SCD5: variants seen among roughly 807,000 people sequenced by gnomAD.
The protein encoded by SCD5 is acyl-CoA-desaturase 4.
In SCD5, 20 loss-of-function variants were observed where a neutral mutation model predicts 30.4. The observed-to-expected ratio is 0.66, with a 90% CI of 0.46 to 0.96. SCD5 has a LOEUF of 0.96. Among genes scored for constraint, SCD5 ranks in the 40% least tolerant of loss-of-function variants. The pLI is 0.00. For missense variants in SCD5, 381 were observed against 443.3 expected (o/e 0.86, Z 1.26); for synonymous variants, 173 against 176.4 (o/e 0.98, Z 0.16).
intron 1 of SCD5, among the ~76,000 whole-genome samples, chr4:82,762,631 A>G: frequency 6.6e-6 from 1 of 152,176 alleles, no homozygotes; most frequent in East Asian, 1.9e-4. Context: ...AGATAAAAAC[A>G]AATATTGCCA....
intron 1 of SCD5, among the ~76,000 whole-genome samples, chr4:82,743,070 G>A (rs546991400): frequency 6.6e-6 from 1 of 152,274 alleles, no homozygotes; most frequent in East Asian, 1.9e-4. Flanking sequence ...GAGACTCCCA[G>A]TTGGATCCAG....
At chr4:82,749,059 A>T (rs1721048737) in intron 1 of SCD5, among the ~76,000 whole-genome samples, 1 of 152,234 alleles carries the variant, frequency 6.6e-6, no homozygotes, top group Non-Finnish European at 1.5e-5. Context: ...AGAAAAGCAT[A>T]CAAGTTTTTA....
intron 1 of SCD5, among the ~76,000 whole-genome samples, chr4:82,773,035 A>G (rs1721663192): frequency 6.6e-6 from 1 of 152,128 alleles, no homozygotes; most frequent in African/African-American, 2.4e-5. Context: ...ACTGCAATGC[A>G]TGGTGTGGGG....
At chr4:82,648,266 A>G (rs1373306714) in intron 3 of SCD5, among the ~76,000 whole-genome samples, 1 of 152,200 alleles carries the variant, frequency 6.6e-6, no homozygotes, top group Non-Finnish European at 1.5e-5. Flanking sequence ...CACCACATGC[A>G]AACTTCTGGA....
chr4:82,696,677 A>C (rs1474348873), intron 2 of SCD5, among the ~76,000 whole-genome samples: 2 of 152,230 alleles, frequency 1.3e-5, no homozygotes, highest in Non-Finnish European at 2.9e-5. Context: ...ATGCAAATGA[A>C]GGCAGCTGGG....
chr4:82,636,693 T>C lies in SCD5; in HGVS notation c.700A>G (p.Ile234Val). ...SILRYTISLN[I>V]SWLVNSAAHM... is the part of the protein sequence containing the mutation. ...GCGGCGCTGTTGACCAGCCAGCTGA[T>C]GTTGAGTGAGATGGTATAGCGGAGA... is the stretch of plus-strand genomic sequence containing the variant. Residue 234 changes from isoleucine to valine, a missense_variant, in exon 4 of 5, where the codon ATC (isoleucine) becomes GTC (valine). Physicochemically the swap from Ile to Val is conservative, Grantham distance 29. Coordinates refer to ENST00000319540, the MANE Select transcript of SCD5 (RefSeq NM_001037582.3). The C allele has an allele frequency of 6.2e-7, 1 of 1,614,150 alleles. No individual in the cohort carries two copies. Among genetic ancestry groups the C allele is most frequent in the South Asian group, 1.1e-5 (1 of 91,082 alleles).
chr4:82,737,883 A>G (rs1304641631), intron 1 of SCD5, among the ~76,000 whole-genome samples: 1 of 152,102 alleles, frequency 6.6e-6, no homozygotes, highest in Non-Finnish European at 1.5e-5. Context: ...CATGGATAAG[A>G]TTAAAGAAAT....
chr4:82,644,891 G>A (rs1727608165), intron 3 of SCD5, among the ~76,000 whole-genome samples: 2 of 152,168 alleles, frequency 1.3e-5, no homozygotes, highest in Non-Finnish European at 2.9e-5. Context: ...GTAAAATGTT[G>A]ACAATATTTA....
chr4:82,679,698 CCA>C (rs1360684960), intron 3 of SCD5, among the ~76,000 whole-genome samples: 1 of 152,126 alleles, frequency 6.6e-6, no homozygotes, highest in East Asian at 1.9e-4. Context: ...CCAGGGTCTG[CCA>C]GTTTCTCACT....
At chr4:82,774,837 A>G (rs1721712940) in intron 1 of SCD5, among the ~76,000 whole-genome samples, 1 of 152,138 alleles carries the variant, frequency 6.6e-6, no homozygotes, top group Non-Finnish European at 1.5e-5. Flanking sequence ...GAGCTTTGAG[A>G]CTGATGGAGG....
At chr4:82,732,443 G>C (rs1578043235) in intron 1 of SCD5, among the ~76,000 whole-genome samples, 1 of 152,276 alleles carries the variant, frequency 6.6e-6, no homozygotes, top group East Asian at 1.9e-4. Flanking sequence ...CACTCACTCA[G>C]GTGTGTTTCT....
chr4:82,684,430 G>A (rs895777285), intron 2 of SCD5, among the ~76,000 whole-genome samples: 4 of 152,152 alleles, frequency 2.6e-5, no homozygotes, highest in African/African-American at 9.7e-5. Context: ...CAACAATAGA[G>A]CAGAAAGGGA....
At chr4:82,740,740 T>C (rs1356058797) in intron 1 of SCD5, among the ~76,000 whole-genome samples, 1 of 152,214 alleles carries the variant, frequency 6.6e-6, no homozygotes, top group Non-Finnish European at 1.5e-5. Flanking sequence ...TTCTTTTCTC[T>C]TCCTTCTACC....
chr4:82,705,516 AGGG>A, intron 1 of SCD5, 103 bp from the exon 2 acceptor site: 2 of 1,452,510 alleles, frequency 1.4e-6, no homozygotes, highest in Non-Finnish European at 9.3e-7. Flanking sequence ...AAATGGTGTC[AGGG>A]GGGAAAGCTG....
chr4:82,730,644 G>A (rs1286131677), intron 1 of SCD5, among the ~76,000 whole-genome samples: 2 of 141,776 alleles, frequency 1.4e-5, no homozygotes, highest in Admixed American at 1.5e-4. Flanking sequence ...GGAGTGCAGT[G>A]GCGGGATCTT....
intron 1 of SCD5, among the ~76,000 whole-genome samples, chr4:82,787,509 C>T (rs1357417146): frequency 6.6e-6 from 1 of 152,186 alleles, no homozygotes; most frequent in Non-Finnish European, 1.5e-5. Context: ...CAGCCACGCC[C>T]TCCGCTTCCT....
At chr4:82,674,621 G>C (rs1294788860) in intron 3 of SCD5, among the ~76,000 whole-genome samples, 8 of 152,090 alleles carry the variant, frequency 5.3e-5, no homozygotes. Context: ...TGTGCTCCTT[G>C]GTATTTACCC....
chr4:82,754,556 C>T (rs1045693386), intron 1 of SCD5, among the ~76,000 whole-genome samples: 3 of 152,118 alleles, frequency 2.0e-5, no homozygotes, highest in Admixed American at 6.5e-5. Context: ...CCTCCTAACC[C>T]GACAGGGAGG....
intron 1 of SCD5, among the ~76,000 whole-genome samples, chr4:82,789,405 T>C (rs1181899314): frequency 1.3e-5 from 2 of 152,178 alleles, no homozygotes; most frequent in Non-Finnish European, 2.9e-5. Flanking sequence ...ATGGTCAGCC[T>C]GTGGTTGAAC....
Sources: gnomAD v4.1 joint callset for allele counts (sites outside exome capture counted in the v4.1 genomes callset) on GRCh38, gnomAD v4.1.1 for gene constraint, MANE v1.5 for transcripts, NCBI Gene and HGNC (gene_info 2026-07-23, HGNC 2026-07-21) for gene names.